PDIA5: variants seen among roughly 807,000 people sequenced by gnomAD.
PDIA5 encodes the protein protein disulfide-isomerase A5.
Under a neutral mutation model 77.6 loss-of-function variants are expected in PDIA5, and 58 were observed. The ratio of observed to expected loss-of-function variants is 0.75; its 90% CI spans 0.61 to 0.93. PDIA5 has a LOEUF of 0.93. PDIA5 is among the 40% of genes least tolerant of loss of function. The pLI is 0.00. For missense variants in PDIA5, 630 were observed against 647.7 expected, an observed-to-expected ratio of 0.97 and a Z score of 0.30; for synonymous variants, 250 against 252.1, an observed-to-expected ratio of 0.99 and a Z score of 0.08.
chr3:123,086,330 C>T (rs147381607), intron 1 of PDIA5, among the ~76,000 whole-genome samples: 1 of 152,174 alleles, frequency 6.6e-6, no homozygotes, highest in African/African-American at 2.4e-5. Context: ...ACAGGAGTCA[C>T]TAAGCCTGTA....
intron 1 of PDIA5, among the ~76,000 whole-genome samples, chr3:123,070,191 A>G (rs556535897): frequency 3.3e-5 from 5 of 152,318 alleles, no homozygotes; most frequent in African/African-American, 1.2e-4. Flanking sequence ...TATTATGAAA[A>G]CATTTTATGA....
intron 7 of PDIA5, among the ~76,000 whole-genome samples, chr3:123,114,493 A>G (rs547636276): frequency 7.2e-4 from 109 of 152,228 alleles, no homozygotes; most frequent in Non-Finnish European, 1.4e-3. Context: ...TGGAGAGCCC[A>G]GGCCACTTGC....
intron 2 of PDIA5, among the ~76,000 whole-genome samples, chr3:123,090,564 T>C (rs945390059): frequency 6.6e-6 from 1 of 152,196 alleles, no homozygotes; most frequent in Non-Finnish European, 1.5e-5. Context: ...GTTTGAGATC[T>C]TCCAGCAGCA....
intron 7 of PDIA5, among the ~76,000 whole-genome samples, chr3:123,114,476 C>G (rs1219067899): frequency 6.6e-6 from 1 of 152,164 alleles, no homozygotes; most frequent in Non-Finnish European, 1.5e-5. Context: ...ATAGGGAAGC[C>G]GAGGCTTGGA....
At chr3:123,069,582 A>C (rs1371888560) in intron 1 of PDIA5, among the ~76,000 whole-genome samples, 2 of 151,868 alleles carry the variant, frequency 1.3e-5, no homozygotes, top group Non-Finnish European at 2.9e-5. Context: ...TCTAGTGAGG[A>C]CCCTCCTCCA....
intron 1 of PDIA5, among the ~76,000 whole-genome samples, chr3:123,068,243 T>C (rs908029932): frequency 2.0e-5 from 3 of 152,134 alleles, no homozygotes; most frequent in African/African-American, 7.2e-5. Flanking sequence ...TCTTTTCCAT[T>C]TGGGTGTGGC....
At chr3:123,106,332 T>G (rs1429765666) in intron 5 of PDIA5, among the ~76,000 whole-genome samples, 1 of 152,226 alleles carries the variant, frequency 6.6e-6, no homozygotes, top group Non-Finnish European at 1.5e-5. Context: ...AATGTCTCCT[T>G]TGGACAAGAC....
At chr3:123,118,464 G>A (rs1043498984) in intron 8 of PDIA5, among the ~76,000 whole-genome samples, 2 of 151,968 alleles carry the variant, frequency 1.3e-5, no homozygotes, top group African/African-American at 4.8e-5. Context: ...AGTTATTCCA[G>A]CCAGACCCAC....
intron 1 of PDIA5, among the ~76,000 whole-genome samples, chr3:123,070,303 G>T (rs1367317233): frequency 6.6e-6 from 1 of 152,190 alleles, no homozygotes. Flanking sequence ...GAAGTTACAT[G>T]TATGAAGAAT....
At chr3:123,114,403 G>A (rs1934944348) in intron 7 of PDIA5, among the ~76,000 whole-genome samples, 1 of 152,108 alleles carries the variant, frequency 6.6e-6, no homozygotes, top group African/African-American at 2.4e-5. Flanking sequence ...AGATGTCTCT[G>A]CAGGCACTGA....
chr3:123,126,227 C>T (rs983910634), intron 10 of PDIA5, among the ~76,000 whole-genome samples: 1 of 152,020 alleles, frequency 6.6e-6, no homozygotes, highest in African/African-American at 2.4e-5. Flanking sequence ...CCCCTCTCCT[C>T]TCGGCACACC....
intron 16 of PDIA5, 43 bp from the exon 17 acceptor site, chr3:123,161,837 G>T (rs1038689428): frequency 3.1e-6 from 4 of 1,280,754 alleles, no homozygotes; most frequent in Non-Finnish European, 4.6e-6. Flanking sequence ...CCAGCTCAGG[G>T]ATTAAAGCTC....
intron 1 of PDIA5, among the ~76,000 whole-genome samples, chr3:123,079,175 C>CTTTTTTTTTTTTTTTTTTTTTTTT (rs35252405): frequency 2.1e-5 from 2 of 94,080 alleles, no homozygotes; most frequent in Non-Finnish European, 4.0e-5. Context: ...ATTTTGAATT[C>CTTTTTTTTTTTTTTTTTTTTTTTT]TTTTTTTTTT....
chr3:123,093,400 T>A (rs1273888982), intron 3 of PDIA5, among the ~76,000 whole-genome samples: 1 of 152,190 alleles, frequency 6.6e-6, no homozygotes, highest in Admixed American at 6.5e-5. Flanking sequence ...AAAGTGTGCT[T>A]GCCTTGACCA....
At chr3:123,077,929 C>G (rs558940173) in intron 1 of PDIA5, among the ~76,000 whole-genome samples, 13 of 152,006 alleles carry the variant, frequency 8.6e-5, no homozygotes, top group African/African-American at 3.1e-4. Context: ...TCTGTCTCAG[C>G]CTCCCGAGTA....
At chr3:123,128,842 A>G (rs1935303701) in intron 10 of PDIA5, among the ~76,000 whole-genome samples, 1 of 152,134 alleles carries the variant, frequency 6.6e-6, no homozygotes. Context: ...AGTTTCTTTT[A>G]TGTTCTTAGA....
rs1934220582 is a variant in PDIA5, at chr3:123,089,201, G to T, written c.76G>T (p.Val26Phe). The T allele has an allele frequency of 6.2e-7, 1 of 1,614,020 alleles. No homozygotes were observed. The highest frequency in any genetic ancestry group is 1.3e-5 in the African/African-American group (1 of 75,040). ...VLPSWLSSAK[V>F]SSLIERISDP... The stretch of plus-strand genomic sequence containing the variant: ...GCCATCATGGCTGTCCTCTGCAAAG[G>T]TCTCCTCGCTCATTGAGAGAATCTC... The change falls in exon 2 of 17, where the codon GTC (valine) becomes TTC (phenylalanine). Residue 26 changes from valine (V) to phenylalanine (F), a missense_variant. Transcript: ENST00000316218.
chr3:123,130,499 C>A lies in PDIA5; in HGVS notation c.793C>A (p.Gln265Lys). The A allele has an allele frequency of 6.2e-7, 1 of 1,614,050 alleles. No individual in the cohort carries two copies. Among genetic ancestry groups the A allele is most frequent in the South Asian group, 1.1e-5 (1 of 91,070 alleles). The change falls in exon 11 of 17, where the codon CAG (glutamine) becomes AAG (lysine). Residue 265 changes from glutamine to lysine, a missense_variant. By Grantham distance (53) the Gln-to-Lys change is moderately conservative. Coordinates refer to ENST00000316218, the MANE Select transcript of PDIA5 (RefSeq NM_006810.4). Reference sequence around the variant, plus strand: ...TTCCAGTCCGCAGCCGCCACAGCCCCAGGTCCCTGAGACTCCCTGGGCAGA... The same window carrying A: ...TTCCAGTCCGCAGCCGCCACAGCCCAAGGTCCCTGAGACTCCCTGGGCAGA... ...WLKNPQPPQP[Q>K]VPETPWADEG...
chr3:123,161,924 C>T lies in PDIA5; in HGVS notation c.1524C>T (p.Asp508=). ...ATATTCGAGCCCTCCGGGAGGGAGA[C>T]CATGAAAGACTAGGGAAAAAGAAGG... The part of the protein sequence containing the change: ...TNYIRALREG[D]HERLGKKKEE... Residue 508 remains aspartate (D), a synonymous_variant, in exon 17 of 17, where the codon GAC becomes GAT. Transcript: ENST00000316218. The T allele has an allele frequency of 1.2e-6, 2 of 1,605,434 alleles. No homozygotes were observed. The highest frequency in any genetic ancestry group is 1.7e-6 in the Non-Finnish European group (2 of 1,172,384).
Sources: gnomAD v4.1 joint callset for allele counts (sites outside exome capture counted in the v4.1 genomes callset) on GRCh38, gnomAD v4.1.1 for gene constraint, MANE v1.5 for transcripts, NCBI Gene and HGNC (gene_info 2026-07-23, HGNC 2026-07-21) for gene names.